Variants in CEP162 observed in about 807,000 individuals in gnomAD.
The protein encoded by CEP162 is centrosomal protein of 162 kDa.
CEP162 carries 141 observed loss-of-function variants against 169.2 expected under a neutral mutation model. The ratio of observed to expected loss-of-function variants is 0.83; its 90% confidence interval spans 0.73 to 0.96. The LOEUF is 0.96. CEP162 is among the 40% of genes least tolerant of loss of function. The probability of loss-of-function intolerance (pLI) is 0.00; values close to 1 mark genes in which losing one functional copy is unlikely to be tolerated. For missense variants in CEP162, 1,600 were observed against 1,587.2 expected (o/e 1.01, Z -0.14); for synonymous variants, 540 against 526.4 (o/e 1.03, Z -0.35).
At chr6:84,201,697 A>AT in intron 8 of CEP162, 40 bp downstream of exon 8, 2 of 1,073,038 alleles carry the variant, frequency 1.9e-6, no homozygotes, top group Non-Finnish European at 2.7e-6. Context: ...GAACAGACTA[A>AT]TTTTTTGCCA....
chr6:84,169,340 T>C lies in CEP162; in HGVS notation c.2373A>G (p.Leu791=), dbSNP rs970278654. The C allele has an allele frequency of 6.4e-7, 1 of 1,566,044 alleles. No homozygotes were observed. The highest frequency in any genetic ancestry group is 8.7e-7 in the Non-Finnish European group (1 of 1,153,878). ...NQNFTDLLAE[L]RMAQKEKDSL... is the part of the protein sequence containing the mutation. Reference sequence around the variant, plus strand: ...TTATGCAACTTACCTGTGCCATCCGTAGTTCTGCTAACAGATCTGTAAAAT... The same window carrying C: ...TTATGCAACTTACCTGTGCCATCCGCAGTTCTGCTAACAGATCTGTAAAAT... The change falls in exon 18 of 27, where the codon CTA becomes CTG. Residue 791 remains leucine (L), a synonymous_variant. Coordinates refer to ENST00000403245, the MANE Select transcript of CEP162 (RefSeq NM_014895.4).
At chr6:84,178,285 C>A (rs183472133) in intron 13 of CEP162, among the ~76,000 whole-genome samples, 55 of 151,648 alleles carry the variant, frequency 3.6e-4, no homozygotes, top group Admixed American at 8.5e-4. Context: ...AAGTCCTTAT[C>A]TTTAAAGATG....
In CEP162 at chr6:84,182,156, G is replaced by A. The variant is rs138765956; in HGVS notation, c.1663+3031C>T. 3.5e-3 allele frequency among the ~76,000 whole-genome samples: 528 copies of A among 151,858 alleles called. 3 individuals carry two copies. Among genetic ancestry groups the A allele is most frequent in the African/African-American group, 0.012 (484 of 41,420 alleles). On this transcript the variant is annotated intron_variant, in intron 13 of 26. Transcript: ENST00000403245. ...TATCCACATCTGCCTCTCTACTTCC[G>A]TCCATTCATTCACATTTCCTTCTAT...
chr6:84,155,181 T>C, intron 22 of CEP162, 117 bp downstream of exon 22: 1 of 780,210 alleles, frequency 1.3e-6, no homozygotes, highest in South Asian at 1.9e-5. Flanking sequence ...TTGATACCAG[T>C]GGTAAAGGTT....
chr6:84,209,653 G>A (rs1408331474), intron 6 of CEP162, among the ~76,000 whole-genome samples: 2 of 152,188 alleles, frequency 1.3e-5, no homozygotes, highest in Non-Finnish European at 2.9e-5. Context: ...GGGATCACAG[G>A]TGTAAGCCAC....
At chr6:84,172,443 C>T (rs547104747) in intron 16 of CEP162, among the ~76,000 whole-genome samples, 30 of 152,170 alleles carry the variant, frequency 2.0e-4, no homozygotes, top group Admixed American at 9.2e-4. Flanking sequence ...CTTTGAGTAT[C>T]TAATGCAAAC....
At chr6:84,193,352 C>G (rs1429492268) in intron 11 of CEP162, among the ~76,000 whole-genome samples, 1 of 152,178 alleles carries the variant, frequency 6.6e-6, no homozygotes, top group Non-Finnish European at 1.5e-5. Context: ...CTATTTAAAG[C>G]TGAGGAGACT....
intron 3 of CEP162, among the ~76,000 whole-genome samples, chr6:84,216,160 T>A (rs2099551466): frequency 6.6e-6 from 1 of 152,150 alleles, no homozygotes; most frequent in Admixed American, 6.5e-5. Context: ...GAGACAAAAT[T>A]TTTTAAAATT....
At chr6:84,139,402 C>CA in intron 25 of CEP162, among the ~76,000 whole-genome samples, 1 of 152,186 alleles carries the variant, frequency 6.6e-6, no homozygotes, top group Non-Finnish European at 1.5e-5. Context: ...CATGAGGTTT[C>CA]TCCTGTGATG....
At chr6:84,210,655 T>C (rs2099549084) in intron 6 of CEP162, among the ~76,000 whole-genome samples, 1 of 152,202 alleles carries the variant, frequency 6.6e-6, no homozygotes, top group Non-Finnish European at 1.5e-5. Flanking sequence ...CCCAGAAATC[T>C]GCATAGGGTG....
chr6:84,141,600 T>C (rs1160141572), intron 25 of CEP162, among the ~76,000 whole-genome samples: 1 of 152,172 alleles, frequency 6.6e-6, no homozygotes, highest in African/African-American at 2.4e-5. Flanking sequence ...GGAAATCTTT[T>C]AAATGCCCAG....
chr6:84,181,945 G>A (rs563358768), intron 13 of CEP162, among the ~76,000 whole-genome samples: 3 of 152,150 alleles, frequency 2.0e-5, no homozygotes, highest in African/African-American at 7.2e-5. Flanking sequence ...GGCAATCTTT[G>A]AGTGTTTTTC....
chr6:84,187,631 AACTT>A (rs2099537774), intron 11 of CEP162, among the ~76,000 whole-genome samples: 1 of 152,272 alleles, frequency 6.6e-6, no homozygotes, highest in South Asian at 2.1e-4. Flanking sequence ...CTAAGAACCC[AACTT>A]ATTTGTTACT....
At chr6:84,169,543 T>C (rs2099529155) in intron 17 of CEP162, 110 bp from the exon 18 acceptor site, 1 of 576,264 alleles carries the variant, frequency 1.7e-6, no homozygotes, top group Non-Finnish European at 2.9e-6. Flanking sequence ...TGAAACTGTA[T>C]GCATAAATGA....
intron 8 of CEP162, among the ~76,000 whole-genome samples, 189 bp downstream of exon 8, chr6:84,201,548 C>CA (rs1466553368): frequency 2.0e-5 from 3 of 151,272 alleles, no homozygotes; most frequent in African/African-American, 4.9e-5. Flanking sequence ...AGAAAAATAA[C>CA]AAAAAAAATC....
chr6:84,141,799 C>T (rs1364160610), intron 25 of CEP162, among the ~76,000 whole-genome samples: 1 of 152,168 alleles, frequency 6.6e-6, no homozygotes, highest in Non-Finnish European at 1.5e-5. Context: ...AGAGCTCCAT[C>T]ATCAACTCCT....
chr6:84,214,069 G>A (rs1372385428), intron 5 of CEP162, among the ~76,000 whole-genome samples: 2 of 152,172 alleles, frequency 1.3e-5, no homozygotes, highest in African/African-American at 4.8e-5. Context: ...ACAAGGTCAG[G>A]AGATCGAGAC....
At chr6:84,140,403 A>C (rs936256841) in intron 25 of CEP162, among the ~76,000 whole-genome samples, 1 of 152,068 alleles carries the variant, frequency 6.6e-6, no homozygotes, top group African/African-American at 2.4e-5. Flanking sequence ...AGAGCAATGA[A>C]GGTCTTTGTT....
intron 25 of CEP162, among the ~76,000 whole-genome samples, chr6:84,133,128 C>T (rs968506597): frequency 3.9e-5 from 6 of 152,162 alleles, no homozygotes; most frequent in African/African-American, 1.4e-4. Flanking sequence ...GAGGTCCACT[C>T]CAGACACTGT....
Sources: gnomAD v4.1 joint callset for allele counts (sites outside exome capture counted in the v4.1 genomes callset) on GRCh38, gnomAD v4.1.1 for gene constraint, MANE v1.5 for transcripts, NCBI Gene and HGNC (gene_info 2026-07-23, HGNC 2026-07-21) for gene names.